The following SLC13A1 variants were observed in gnomAD, a reference collection of about 807,000 sequenced individuals.
The protein encoded by SLC13A1 is solute carrier family 13 member 1.
Under a neutral mutation model 70.0 loss-of-function variants are expected in SLC13A1, and 65 were observed. The ratio of observed to expected loss-of-function variants is 0.93; its 90% CI spans 0.76 to 1.14. The LOEUF is 1.14. Ranked by LOEUF, SLC13A1 falls within the 50% of genes most tolerant of loss-of-function variation. SLC13A1 has a pLI of 0.00. For missense variants in SLC13A1, 726 were observed against 717.8 expected (o/e 1.01, Z -0.13); for synonymous variants, 275 against 250.5 (o/e 1.10, Z -0.92).
chr7:123,193,367 G>A (rs1410536051), intron 1 of SLC13A1, among the ~76,000 whole-genome samples: 1 of 151,914 alleles, frequency 6.6e-6, no homozygotes, highest in Non-Finnish European at 1.5e-5. Flanking sequence ...GAATGTTTCA[G>A]AATATGCTAT....
chr7:123,140,080 T>A (rs181954209), intron 7 of SLC13A1, among the ~76,000 whole-genome samples: 8,301 of 151,778 alleles, frequency 0.055, 245 homozygotes, highest in South Asian at 0.074. Context: ...CTTCTTTTTT[T>A]AAAAAAAATT....
rs529991493 is a variant in SLC13A1 at position 123,174,969 on chromosome 7, A to G, written c.229-3065T>C. 8.7e-4 allele frequency among the ~76,000 whole-genome samples: 133 copies of G among 152,108 alleles called. 2 individuals carry two copies. The highest frequency in any genetic ancestry group is 2.9e-3 in the African/African-American group (122 of 41,528). ...TCCCTAGGACACTAAACTGGATTAG[A>G]TAATATCTCCCTTTTTATAGTACAT... is the stretch of plus-strand genomic sequence containing the variant. On this transcript the variant is annotated intron_variant, in intron 2 of 14. Transcript: ENST00000194130.
At chr7:123,139,939 C>T (rs1794074182) in intron 7 of SLC13A1, among the ~76,000 whole-genome samples, 1 of 152,028 alleles carries the variant, frequency 6.6e-6, no homozygotes, top group Non-Finnish European at 1.5e-5. Context: ...CTAGAACTTC[C>T]AGTACTATGT....
intron 6 of SLC13A1, among the ~76,000 whole-genome samples, chr7:123,154,292 T>A (rs1045414972): frequency 1.8e-4 from 27 of 152,114 alleles, no homozygotes; most frequent in African/African-American, 5.8e-4. Flanking sequence ...ATCCCTTCTG[T>A]CTACCATACA....
intron 10 of SLC13A1, among the ~76,000 whole-genome samples, chr7:123,128,334 T>C (rs1199106187): frequency 6.6e-6 from 1 of 152,164 alleles, no homozygotes; most frequent in Non-Finnish European, 1.5e-5. Context: ...TTGAGTGGTA[T>C]TTACTTCACA....
At chr7:123,156,413 T>C (rs1382334822) in intron 6 of SLC13A1, among the ~76,000 whole-genome samples, 4 of 152,130 alleles carry the variant, frequency 2.6e-5, no homozygotes, top group African/African-American at 4.8e-5. Flanking sequence ...TATTTACTAA[T>C]AATTAATGCC....
rs369640619 is a variant in SLC13A1 at position 123,175,825 on chromosome 7, T to G, written c.229-3921A>C. On this transcript the variant is annotated intron_variant, in intron 2 of 14. Transcript: ENST00000194130. ...ATTACTTAAAAATACAAATAAACAC[T>G]TAGAAGCAAGCCATTATTAGTAAGT... 4.1e-4 allele frequency among the ~76,000 whole-genome samples: 62 copies of G among 152,290 alleles called. 1 individual carries two copies. The South Asian group carries it at 0.013, about 31-fold the overall frequency.
chr7:123,149,803 T>C (rs768702540), intron 6 of SLC13A1, among the ~76,000 whole-genome samples: 6 of 152,174 alleles, frequency 3.9e-5, no homozygotes, highest in Non-Finnish European at 7.4e-5. Context: ...CACTGGCAAA[T>C]CTAAGTCAAT....
rs185356585 is a variant in SLC13A1, at chr7:123,190,132, A to G, written c.100-9031T>C. Among the ~76,000 whole-genome samples, 6 of 152,298 alleles carry G rather than the reference A, an allele frequency of 3.9e-5. No homozygotes were observed. The East Asian group carries it at 1.2e-3, about 29-fold the overall frequency. ...TATTCTTTCTCAGTTCACTGAATAT[A>G]TCTTCAAGGATACTCAGTTTAAAGT... On this transcript the variant is annotated intron_variant, in intron 1 of 14. Transcript: ENST00000194130.
chr7:123,156,561 T>C (rs1794723863), intron 6 of SLC13A1, among the ~76,000 whole-genome samples: 1 of 152,030 alleles, frequency 6.6e-6, no homozygotes, highest in South Asian at 2.1e-4. Context: ...GCATGTTGAG[T>C]TTAAAGATCC....
intron 1 of SLC13A1, among the ~76,000 whole-genome samples, chr7:123,189,883 A>G (rs1795940462): frequency 6.6e-6 from 1 of 152,100 alleles, no homozygotes. Flanking sequence ...ACTAATATCT[A>G]ATTAAGTTGT....
rs749904313 is a variant in SLC13A1, at chr7:123,180,986, A to G, written c.215T>C (p.Met72Thr). 3.1e-6 allele frequency: 5 copies of G among 1,611,970 alleles called. No individual in the cohort carries two copies. Among genetic ancestry groups the G allele is most frequent in the Non-Finnish European group, 3.4e-6 (4 of 1,178,716 alleles). Residue 72 changes from methionine to threonine, a missense_variant, in exon 2 of 15, where the codon ATG becomes ACG. Physicochemically the swap from Met to Thr is moderately conservative, Grantham distance 81. Coordinates refer to ENST00000194130, the MANE Select transcript of SLC13A1 (RefSeq NM_022444.4). ...PSLMLPMFGI[M>T]PSKKVASAYF... is the part of the protein sequence containing the mutation. ...AAGAGGACTTACCTTCTTAGAAGGC[A>G]TGATCCCAAACATGGGTAACATTAA...
intron 2 of SLC13A1, among the ~76,000 whole-genome samples, chr7:123,174,737 A>G (rs1202870492): frequency 6.6e-6 from 1 of 152,148 alleles, no homozygotes; most frequent in Non-Finnish European, 1.5e-5. Flanking sequence ...TCAACATGTC[A>G]TAAAAGACCC....
intron 1 of SLC13A1, among the ~76,000 whole-genome samples, chr7:123,187,994 A>G (rs1171403357): frequency 6.6e-6 from 1 of 152,276 alleles, no homozygotes; most frequent in Admixed American, 6.5e-5. Context: ...TTTACTAGAT[A>G]TTGCCCATTT....
At chr7:123,195,844 T>G (rs762288853) in intron 1 of SLC13A1, among the ~76,000 whole-genome samples, 22 of 152,058 alleles carry the variant, frequency 1.4e-4, no homozygotes, top group Non-Finnish European at 2.8e-4. Flanking sequence ...TCTCCTGATC[T>G]TAAAAAGGGG....
At chr7:123,160,093 C>G (rs1164783365) in intron 6 of SLC13A1, among the ~76,000 whole-genome samples, 3 of 151,734 alleles carry the variant, frequency 2.0e-5, no homozygotes, top group Non-Finnish European at 4.4e-5. Flanking sequence ...ACTAGCCTGG[C>G]CAACATAGTG....
intron 14 of SLC13A1, 147 bp from the exon 15 acceptor site, chr7:123,115,802 T>C: frequency 2.5e-6 from 2 of 809,162 alleles, no homozygotes; most frequent in East Asian, 2.8e-5. Flanking sequence ...CTTTAAGTTC[T>C]AGGGTACATG....
rs572505522 is a variant in SLC13A1, at chr7:123,186,756, C to T, written c.100-5655G>A. The T allele has an allele frequency of 8.8e-5, 40 of 455,502 alleles. 1 individual carries two copies. The highest frequency in any genetic ancestry group is 7.0e-4 in the African/African-American group (35 of 50,072). The allele number at this position is 455,502 out of a possible 1,614,324, so 28.2% of individuals were successfully genotyped here. A position where few individuals can be genotyped will look rare whatever the true frequency, so the allele number is the denominator to read the frequency against. On this transcript the variant is annotated intron_variant, in intron 1 of 14. Transcript: ENST00000194130. Reference sequence around the variant, plus strand: ...ATCGTTATTACAACTTACTCTGCAACCGTAACAAGTAAACGTTTTAATCAC... The same window carrying T: ...ATCGTTATTACAACTTACTCTGCAATCGTAACAAGTAAACGTTTTAATCAC...
rs766594889 is a variant in SLC13A1 at position 123,147,294 on chromosome 7, G to T, written c.677C>A (p.Thr226Asn). 3.1e-6 allele frequency: 5 copies of T among 1,613,354 alleles called. No individual in the cohort carries two copies. Among genetic ancestry groups the T allele is most frequent in the Admixed American group, 1.7e-5 (1 of 59,930 alleles). Residue 226 changes from threonine (T) to asparagine (N), a missense_variant, in exon 7 of 15, where the codon ACC becomes AAC. Thr to Asn is a moderately conservative substitution (Grantham distance 65). Transcript: ENST00000194130. ...GTGGCCCTTCTTTGTTCGATATTTGGTTCTCATGCCTGAGTTCTGTTCAAC... is the reference window on the plus strand; with the variant it reads ...GTGGCCCTTCTTTGTTCGATATTTGTTTCTCATGCCTGAGTTCTGTTCAAC... ...VELEKNSGMR[T>N]KYRTKKGHVT...
Sources: gnomAD v4.1 joint callset for allele counts (sites outside exome capture counted in the v4.1 genomes callset) on GRCh38, gnomAD v4.1.1 for gene constraint, MANE v1.5 for transcripts, NCBI Gene and HGNC (gene_info 2026-07-23, HGNC 2026-07-21) for gene names.